The following ATF7 variants were observed in gnomAD, a reference collection of about 807,000 sequenced individuals.
The protein encoded by ATF7 is activating transcription factor 7.
Under a neutral mutation model 50.4 loss-of-function variants are expected in ATF7, and 10 were observed. That is an observed-to-expected ratio of 0.20 (90% CI 0.12 to 0.34). The LOEUF is 0.34. Among genes scored for constraint, ATF7 ranks in the 10% least tolerant of loss-of-function variants. The probability of loss-of-function intolerance (pLI) is 1.00; values close to 1 mark genes in which losing one functional copy is unlikely to be tolerated. For synonymous variants in ATF7, 201 were observed against 226.4 expected (o/e 0.89, Z 1.01); for missense variants, 465 against 613.9 (o/e 0.76, Z 2.56).
intron 2 of ATF7, among the ~76,000 whole-genome samples, chr12:53,598,684 A>T (rs868828141): frequency 1.3e-5 from 2 of 152,220 alleles, no homozygotes; most frequent in Admixed American, 6.5e-5. Context: ...AGTGGATACT[A>T]CTCTTTTCTG....
chr12:53,625,938 C>T (rs1341036436), intron 1 of ATF7: 2 of 152,346 alleles, frequency 1.3e-5, no homozygotes, highest in Non-Finnish European at 2.9e-5. Flanking sequence ...CTGTGCCCCC[C>T]GGGGCTACTT....
At chr12:53,519,985 A>G (rs1406069328) in intron 11 of ATF7, among the ~76,000 whole-genome samples, 1 of 151,986 alleles carries the variant, frequency 6.6e-6, no homozygotes, top group African/African-American at 2.4e-5. Context: ...TGACCTCGTG[A>G]TCCGCCCGCC....
intron 4 of ATF7, among the ~76,000 whole-genome samples, chr12:53,539,053 C>CT (rs1050494937): frequency 6.6e-6 from 1 of 152,172 alleles, no homozygotes; most frequent in Non-Finnish European, 1.5e-5. Flanking sequence ...GTTCCACACT[C>CT]ATTAAACACT....
chr12:53,567,159 G>A (rs73316975), intron 2 of ATF7, among the ~76,000 whole-genome samples: 3,315 of 152,236 alleles, frequency 0.022, 111 homozygotes, highest in African/African-American at 0.074. Flanking sequence ...TCTATCTAAG[G>A]AACTTAGAAA....
chr12:53,531,666 A>G, intron 9 of ATF7, 78 bp downstream of exon 9: 2 of 1,418,600 alleles, frequency 1.4e-6, no homozygotes, highest in South Asian at 3.2e-5. Flanking sequence ...TTCTTCTCTA[A>G]TTTTCTGCTC....
chr12:53,622,129 C>A (rs1325871011), intron 1 of ATF7, among the ~76,000 whole-genome samples: 1 of 151,802 alleles, frequency 6.6e-6, no homozygotes, highest in Non-Finnish European at 1.5e-5. Context: ...GGTGAAACCC[C>A]GTCTCTACTA....
rs1248929315 is a variant in ATF7 at position 53,544,981 on chromosome 12, G to T, written c.146-1533C>A. 3.9e-5 allele frequency among the ~76,000 whole-genome samples: 6 copies of T among 152,198 alleles called. No individual in the cohort carries two copies. In the East Asian group the frequency reaches 1.2e-3, roughly 29 times the overall value. ...AGCCACTTTCCCTCCATCCCTGGAT[G>T]AGTAGAAGTAGTATCATCCTTTATG... is the stretch of plus-strand genomic sequence containing the variant. On this transcript the variant is annotated intron_variant, in intron 3 of 11. Coordinates refer to ENST00000420353, the MANE Select transcript of ATF7 (RefSeq NM_006856.3).
At chr12:53,571,616 A>G (rs1941766727) in intron 2 of ATF7, among the ~76,000 whole-genome samples, 1 of 151,660 alleles carries the variant, frequency 6.6e-6, no homozygotes, top group African/African-American at 2.4e-5. Context: ...AGCCTGGGCA[A>G]CACAGTGAGA....
intron 1 of ATF7, among the ~76,000 whole-genome samples, chr12:53,605,140 G>C (rs1355516600): frequency 2.0e-5 from 3 of 152,144 alleles, no homozygotes; most frequent in Non-Finnish European, 2.9e-5. Context: ...TGTAATCCCA[G>C]CACTTTGGGA....
chr12:53,590,081 CA>C (rs1342633306), intron 2 of ATF7, among the ~76,000 whole-genome samples: 3 of 151,932 alleles, frequency 2.0e-5, no homozygotes, highest in African/African-American at 4.8e-5. Context: ...TGAGATAGCC[CA>C]AAATAAAATG....
At chr12:53,593,394 TA>T (rs576080032) in intron 2 of ATF7, among the ~76,000 whole-genome samples, 2 of 148,660 alleles carry the variant, frequency 1.3e-5, no homozygotes, top group Non-Finnish European at 3.0e-5. Flanking sequence ...ACCCTATCTC[TA>T]AAAAAAAAAT....
intron 4 of ATF7, among the ~76,000 whole-genome samples, chr12:53,541,778 G>A (rs1386370382): frequency 1.3e-5 from 2 of 151,972 alleles, no homozygotes; most frequent in Non-Finnish European, 2.9e-5. Context: ...CTTGAAGATC[G>A]CAATTTGTTC....
At chr12:53,574,839 G>A (rs1364834500) in intron 2 of ATF7, 3 of 321,972 alleles carry the variant, frequency 9.3e-6, no homozygotes, top group South Asian at 6.2e-5. Flanking sequence ...TAAAGAAATA[G>A]ACATATATTA....
At chr12:53,603,560 A>T (rs1289580724) in intron 1 of ATF7, among the ~76,000 whole-genome samples, 1 of 152,146 alleles carries the variant, frequency 6.6e-6, no homozygotes, top group African/African-American at 2.4e-5. Flanking sequence ...TCACAATGAG[A>T]GGAAGAAGCC....
At chr12:53,594,071 G>T (rs1281110582) in intron 2 of ATF7, among the ~76,000 whole-genome samples, 3 of 152,222 alleles carry the variant, frequency 2.0e-5, no homozygotes, top group African/African-American at 7.2e-5. Flanking sequence ...ACAATATCTT[G>T]TAAGTCAACA....
chr12:53,560,623 A>G (rs558394047), intron 2 of ATF7, among the ~76,000 whole-genome samples: 21 of 152,304 alleles, frequency 1.4e-4, no homozygotes, highest in African/African-American at 5.1e-4. Flanking sequence ...ACCCGTTTTC[A>G]TGAGGATTTG....
rs774269537 is a variant in ATF7 at position 53,514,286 on chromosome 12, A to G, written c.*2851T>C. 2.0e-5 allele frequency: 3 copies of G among 152,070 alleles called. No individual in the cohort carries two copies. The highest frequency in any genetic ancestry group is 4.4e-5 in the Non-Finnish European group (3 of 68,004). The allele number at this position is 152,070 out of a possible 1,614,324, so 9.4% of individuals were successfully genotyped here. Reference sequence around the variant, plus strand: ...GTGGGGTGGGAAGCCTGAGTCCTGTATTCACATGAACGAATTCAGGACACC... The same window carrying G: ...GTGGGGTGGGAAGCCTGAGTCCTGTGTTCACATGAACGAATTCAGGACACC... On this transcript the variant is annotated 3_prime_UTR_variant, in exon 12 of 12. Transcript: ENST00000420353.
chr12:53,595,175 T>C (rs1334061723), intron 2 of ATF7, among the ~76,000 whole-genome samples: 2 of 152,200 alleles, frequency 1.3e-5, no homozygotes, highest in Admixed American at 1.3e-4. Flanking sequence ...TTTAAAAAAC[T>C]CTTGGCAGAG....
chr12:53,587,843 A>ATATATATATTTTTTTT, intron 2 of ATF7, among the ~76,000 whole-genome samples: 3 of 61,568 alleles, frequency 4.9e-5, no homozygotes, highest in Non-Finnish European at 1.0e-4. Flanking sequence ...ATATATATAT[A>ATATATATATTTTTTTT]TTTTTTTTTT....
Sources: gnomAD v4.1 joint callset for allele counts (sites outside exome capture counted in the v4.1 genomes callset) on GRCh38, gnomAD v4.1.1 for gene constraint, MANE v1.5 for transcripts, NCBI Gene and HGNC (gene_info 2026-07-23, HGNC 2026-07-21) for gene names.